Variants in PACSIN2 observed in about 807,000 individuals in gnomAD.
PACSIN2 encodes the protein protein kinase C and casein kinase substrate in neurons 2.
Under a neutral mutation model 63.8 loss-of-function variants are expected in PACSIN2, and 25 were observed. That is an observed-to-expected ratio of 0.39 (90% CI 0.29 to 0.55). The LOEUF (loss-of-function observed/expected upper bound fraction) is 0.55, where lower values mean the gene tolerates loss of function less well. Ranked by LOEUF, PACSIN2 falls within the 20% of genes least tolerant of loss-of-function variation. PACSIN2 has a pLI of 0.62. For missense variants in PACSIN2, 518 were observed against 646.9 expected (o/e 0.80, Z 2.16); for synonymous variants, 255 against 256.2 (o/e 1.00, Z 0.05).
rs1235492282 is a variant in PACSIN2, at chr22:42,870,987, AGTTGCAG to A, written c.*363_*369del. ...AATGGGATGTAAGCTTGTTCATTTA[AGTTGCAG>A]GTGATGGACTCGTCAGAGAGAGTAA... On this transcript the variant is annotated 3_prime_UTR_variant, in exon 11 of 11. Coordinates refer to ENST00000263246, the MANE Select transcript of PACSIN2 (RefSeq NM_001184970.3). The A allele has an allele frequency of 4.4e-6, 1 of 227,826 alleles. No homozygotes were observed. Among genetic ancestry groups the A allele is most frequent in the African/African-American group, 2.2e-5 (1 of 45,058 alleles). The allele number at this position is 227,826 out of a possible 1,614,324, so 14.1% of individuals were successfully genotyped here.
At chr22:42,897,939 G>A (rs1930401969) in intron 2 of PACSIN2, among the ~76,000 whole-genome samples, 1 of 152,204 alleles carries the variant, frequency 6.6e-6, no homozygotes, top group South Asian at 2.1e-4. Flanking sequence ...ACAGAACACA[G>A]GGAGCAAATG....
chr22:42,922,210 A>G (rs534240794), intron 1 of PACSIN2, among the ~76,000 whole-genome samples: 10 of 152,328 alleles, frequency 6.6e-5, no homozygotes, highest in African/African-American at 2.4e-4. Context: ...GAGGTTGCTA[A>G]GGTGACCGTG....
chr22:42,871,447 C>G lies in PACSIN2; in HGVS notation c.1371G>C (p.Glu457Asp), dbSNP rs773861181. The change falls in exon 11 of 11, where the codon GAG becomes GAC. Residue 457 changes from glutamate (E) to aspartate (D), a missense_variant. Glu to Asp is a conservative substitution (Grantham distance 45). Around this residue, in one of 2 missense-constraint regions of PACSIN2, gnomAD observed 507 missense variants for 612.3 expected, o/e 0.83. Transcript: ENST00000263246. This position sits in a 1 kb window ranked among gnomAD's most constrained non-coding sequence, Gnocchi z 5.4. ...FKAGDELTKM[E>D]DEDEQGWCKG... ...TGCACCAGCCCTGCTCATCCTCGTCCTCCATCTTGGTCAGCTCATCCCCTG... is the reference window on the plus strand; with the variant it reads ...TGCACCAGCCCTGCTCATCCTCGTCGTCCATCTTGGTCAGCTCATCCCCTG... 38 of 1,614,138 alleles carry G rather than the reference C, an allele frequency of 2.4e-5. No individual in the cohort carries two copies. Among genetic ancestry groups the G allele is most frequent in the Non-Finnish European group, 3.1e-5 (37 of 1,179,938 alleles).
intron 6 of PACSIN2, among the ~76,000 whole-genome samples, chr22:42,882,772 G>A (rs546440336): frequency 5.9e-5 from 9 of 152,308 alleles, no homozygotes; most frequent in African/African-American, 2.2e-4. Context: ...GACGGGGTGG[G>A]GGCTGCCTTC....
intron 1 of PACSIN2, among the ~76,000 whole-genome samples, chr22:42,944,257 A>G (rs988711745): frequency 6.6e-6 from 1 of 152,226 alleles, no homozygotes; most frequent in African/African-American, 2.4e-5. Flanking sequence ...TCAAGCGAGA[A>G]AGACATTTGT....
chr22:42,877,208 G>A (rs753519528), intron 8 of PACSIN2, among the ~76,000 whole-genome samples, 198 bp from the exon 9 acceptor site: 1 of 152,190 alleles, frequency 6.6e-6, no homozygotes, highest in East Asian at 1.9e-4. Context: ...AGGAGCCTAG[G>A]AGAGGACTTG....
At position 42,936,041 on chromosome 22, in the gene PACSIN2, G is replaced by A. The variant is rs8136071; in HGVS notation, c.-77-23884C>T. On this transcript the variant is annotated intron_variant, in intron 1 of 10. Transcript: ENST00000263246. The stretch of plus-strand genomic sequence containing the variant: ...ATCCTGGCTAACACGGTGAAACCCC[G>A]TCTCTACTAAAAAAAATACAAAAAA... Among the ~76,000 whole-genome samples the A allele has an allele frequency of 6.5e-3, 992 of 151,976 alleles. 13 individuals are homozygous for A. Among genetic ancestry groups the A allele is most frequent in the African/African-American group, 0.023 (954 of 41,406 alleles).
chr22:43,004,506 C>T (rs982848065), intron 1 of PACSIN2, among the ~76,000 whole-genome samples: 1 of 152,206 alleles, frequency 6.6e-6, no homozygotes, highest in South Asian at 2.1e-4. Flanking sequence ...TCCAGCCAAT[C>T]AGACAGCTAC....
At chr22:42,952,701 C>T (rs1262545524) in intron 1 of PACSIN2, among the ~76,000 whole-genome samples, 8 of 151,024 alleles carry the variant, frequency 5.3e-5, no homozygotes, top group African/African-American at 1.5e-4. Context: ...CTCGCTCTGT[C>T]GCCCCGGCTG....
At chr22:42,909,729 A>G (rs1382301753) in intron 2 of PACSIN2, among the ~76,000 whole-genome samples, 1 of 152,372 alleles carries the variant, frequency 6.6e-6, no homozygotes, top group African/African-American at 2.4e-5. Context: ...TTGATTTAAT[A>G]TATGCTGACA....
At chr22:42,926,915 G>C (rs182840681) in intron 1 of PACSIN2, among the ~76,000 whole-genome samples, 2 of 152,164 alleles carry the variant, frequency 1.3e-5, no homozygotes, top group East Asian at 1.9e-4. Context: ...CAGTTCTTCT[G>C]CTTACCACAC....
intron 5 of PACSIN2, among the ~76,000 whole-genome samples, chr22:42,886,826 A>T (rs1929525024): frequency 6.6e-6 from 1 of 152,070 alleles, no homozygotes; most frequent in Admixed American, 6.6e-5. Flanking sequence ...GAGGGAACCC[A>T]CTACAAACTG....
At chr22:42,903,958 G>C (rs974716816) in intron 2 of PACSIN2, among the ~76,000 whole-genome samples, 2 of 152,134 alleles carry the variant, frequency 1.3e-5, no homozygotes, top group African/African-American at 4.8e-5. Context: ...CTTGCCGTTT[G>C]ATCATTTAAA....
chr22:42,891,861 C>T (rs1315594937), intron 3 of PACSIN2, among the ~76,000 whole-genome samples: 1 of 152,208 alleles, frequency 6.6e-6, no homozygotes, highest in African/African-American at 2.4e-5. Flanking sequence ...CACACCATGC[C>T]AACGCTTCTC....
At chr22:42,941,854 G>C (rs372418841) in intron 1 of PACSIN2, among the ~76,000 whole-genome samples, 2 of 152,146 alleles carry the variant, frequency 1.3e-5, no homozygotes, top group African/African-American at 4.8e-5. Context: ...TCGGCTCACT[G>C]CAACCTCTGA....
At chr22:42,913,637 C>T (rs1328970923) in intron 1 of PACSIN2, among the ~76,000 whole-genome samples, 4 of 152,018 alleles carry the variant, frequency 2.6e-5, no homozygotes, top group Non-Finnish European at 2.9e-5. Context: ...GTAAGTGCTA[C>T]GAACATAGTA....
intron 1 of PACSIN2, among the ~76,000 whole-genome samples, chr22:42,967,203 G>C (rs1210746868): frequency 6.6e-6 from 1 of 152,084 alleles, no homozygotes; most frequent in Non-Finnish European, 1.5e-5. Flanking sequence ...ACTCTGAGCT[G>C]AATCACGTAA....
chr22:42,925,074 C>T (rs919999851), intron 1 of PACSIN2, among the ~76,000 whole-genome samples: 14 of 151,908 alleles, frequency 9.2e-5, no homozygotes, highest in African/African-American at 3.4e-4. Flanking sequence ...CCTGCCCCAG[C>T]CCCCTCAGAC....
intron 1 of PACSIN2, chr22:42,993,896 CACTCCTATGCAGCTGAAGA>C (rs973663057): frequency 1.3e-5 from 2 of 152,240 alleles, no homozygotes; most frequent in African/African-American, 4.8e-5. Flanking sequence ...GTTCCTGAAG[CACTCCTATGCAGCTGAAGA>C]AGGGAAGTGC....
Sources: allele counts gnomAD v4.1 joint callset (sites outside exome capture counted in the v4.1 genomes callset), GRCh38; gene constraint gnomAD v4.1.1; regional missense constraint gnomAD v4.1.1; non-coding constraint Gnocchi (gnomAD v3.1); transcripts MANE v1.5; gene names NCBI Gene and HGNC (gene_info 2026-07-23, HGNC 2026-07-21).